The following LZTR1 variants were observed in gnomAD, a reference collection of about 807,000 sequenced individuals.
The protein encoded by LZTR1 is leucine zipper like post translational regulator 1.
In LZTR1, 260 loss-of-function variants were observed where a neutral mutation model predicts 105.7. The observed-to-expected ratio is 2.46, with a 90% CI of 2.22 to 2.72. LZTR1 has a LOEUF of 2.72. Ranked by LOEUF, LZTR1 falls within the 30% of genes most tolerant of loss-of-function variation. The pLI, the probability that LZTR1 is intolerant of heterozygous loss-of-function variation, is 0.00. For synonymous variants in LZTR1, 490 were observed against 476.4 expected (o/e 1.03, Z -0.37); for missense variants, 1,214 against 1,166.9 (o/e 1.04, Z -0.59).
intron 20 of LZTR1, 30 bp from the exon 21 acceptor site, chr22:20,997,202 C>G (rs759634678): frequency 2.8e-6 from 4 of 1,450,428 alleles, no homozygotes; most frequent in Admixed American, 1.7e-5. Context: ...GGATCTGGTC[C>G]CATCTCCTTC....
At chr22:20,995,504 A>G (rs760125824) in intron 16 of LZTR1, 2 of 688,392 alleles carry the variant, frequency 2.9e-6, no homozygotes, top group Non-Finnish European at 5.4e-6. Flanking sequence ...GGGGTACAGC[A>G]AGCTGGGTGG....
In LZTR1 at chr22:20,992,906, T is replaced by A; in HGVS notation, c.1260+2T>A. 6.4e-7 allele frequency: 1 copy of A among 1,570,580 alleles called. No homozygotes were observed. Among genetic ancestry groups the A allele is most frequent in the South Asian group, 1.1e-5 (1 of 87,294 alleles). ...AGCGGGGAGATGTACAGGTTCCAGG[T>A]GTGGGGCCTGTGGGCCTGTAGAGCC... On this transcript the variant is annotated splice_donor_variant, in intron 11 of 20. Transcript: ENST00000646124. LOFTEE classifies it high-confidence loss of function.
chr22:20,987,472 G>A (rs368515144), intron 3 of LZTR1, 32 bp from the exon 4 acceptor site: 13 of 1,368,292 alleles, frequency 9.5e-6, no homozygotes, highest in South Asian at 2.3e-5. Context: ...GGTGACCCCC[G>A]CTGACTCTCA....
rs777927039 is a variant in LZTR1, at chr22:20,988,007, C to G, written c.401-3C>G. 2.6e-6 allele frequency: 4 copies of G among 1,557,746 alleles called. No homozygotes were observed. The East Asian group carries it at 6.7e-5, about 26-fold the overall frequency. ...TTGACAGTTTCTCACTCTCTTTACT[C>G]AGGGGGTTACACTGGGGACATTTAT... On this transcript the variant is annotated splice_region_variant and splice_polypyrimidine_tract_variant and intron_variant, in intron 4 of 20. Coordinates refer to ENST00000646124, the MANE Select transcript of LZTR1 (RefSeq NM_006767.4).
At position 20,993,456 on chromosome 22, in the gene LZTR1, T is replaced by G. The variant is rs1425087535; in HGVS notation, c.1261-206T>G. ...CCCTTTCCTGCTGTGGAGCCGGCCG[T>G]GGACAGTTGCAGGTGCTGAGGCTGG... On this transcript the variant is annotated intron_variant, in intron 11 of 20. Transcript: ENST00000646124. 3 of 594,706 alleles carry G rather than the reference T, an allele frequency of 5.0e-6. No homozygotes were observed. The African/African-American group carries it at 5.6e-5, about 11-fold the overall frequency. 36.8% of individuals were successfully genotyped at this position (594,706 alleles called of 1,614,324 possible).
intron 20 of LZTR1, 122 bp from the exon 21 acceptor site, chr22:20,997,110 C>A (rs1197304077): frequency 2.7e-6 from 3 of 1,118,420 alleles, no homozygotes; most frequent in Non-Finnish European, 4.0e-6. Flanking sequence ...ACTGGCCGCA[C>A]CTTGCTTCAT....
In LZTR1 at chr22:20,990,543, T is replaced by C; in HGVS notation, c.791+18T>C. ...GACAAGACGTGAGTACTCTGGCCAG[T>C]GGGGTGGAGGGAGGACGGTCAGTTC... is the stretch of plus-strand genomic sequence containing the variant. On this transcript the variant is annotated intron_variant, in intron 8 of 20. Transcript: ENST00000646124. 6.3e-7 allele frequency: 1 copy of C among 1,596,428 alleles called. No homozygotes were observed. Among genetic ancestry groups the C allele is most frequent in the Non-Finnish European group, 8.6e-7 (1 of 1,169,076 alleles).
rs1924910988 is a variant in LZTR1, at chr22:20,997,435, T to C, written c.*87T>C. On this transcript the variant is annotated 3_prime_UTR_variant, in exon 21 of 21. Coordinates refer to ENST00000646124, the MANE Select transcript of LZTR1 (RefSeq NM_006767.4). ...AGACTACCGGCTATGCGCATGCCTATGGCAGTGGGTGCACCTGCCAGGCCA... is the reference window on the plus strand; with the variant it reads ...AGACTACCGGCTATGCGCATGCCTACGGCAGTGGGTGCACCTGCCAGGCCA... 2 of 994,514 alleles carry C rather than the reference T, an allele frequency of 2.0e-6. No homozygotes were observed. The highest frequency in any genetic ancestry group is 3.2e-6 in the Non-Finnish European group (2 of 631,888). 61.6% of individuals were successfully genotyped at this position (994,514 alleles called of 1,614,324 possible).
At chr22:20,991,556 C>T (rs1359127564) in intron 8 of LZTR1, 72 bp from the exon 9 acceptor site, 4 of 1,254,336 alleles carry the variant, frequency 3.2e-6, no homozygotes, top group Non-Finnish European at 3.3e-6. Flanking sequence ...CAGTGAAGGC[C>T]TGCTGTGGGG....
chr22:20,985,881 G>T lies in LZTR1; in HGVS notation c.304G>T (p.Asp102Tyr), dbSNP rs1299646110. 6.2e-7 allele frequency: 1 copy of T among 1,614,184 alleles called. No individual in the cohort carries two copies. Among genetic ancestry groups the T allele is most frequent in the Non-Finnish European group, 8.5e-7 (1 of 1,180,030 alleles). The change falls in exon 3 of 21, where the codon GAC becomes TAC. Residue 102 changes from aspartate (D) to tyrosine (Y), a missense_variant. Asp to Tyr is a radical substitution (Grantham distance 160, BLOSUM62 -3). Transcript: ENST00000646124. ...TGACCTCCTGCGGTTCGATGTGAAAGACTGCTCCTGGTGCAGGTGGGTGGC... is the reference window on the plus strand; with the variant it reads ...TGACCTCCTGCGGTTCGATGTGAAATACTGCTCCTGGTGCAGGTGGGTGGC... ...LNDLLRFDVK[D>Y]CSWCRAFTTG... is the part of the protein sequence containing the mutation.
In LZTR1 at chr22:20,984,617, G is replaced by C. The variant is rs939609602; in HGVS notation, c.264-1224G>C. 4.2e-5 allele frequency among the ~76,000 whole-genome samples: 6 copies of C among 144,500 alleles called. 1 individual carries two copies. The highest frequency in any genetic ancestry group is 2.2e-4 in the South Asian group (1 of 4,522). 94.8% of individuals were successfully genotyped at this position (144,500 alleles called of 152,430 possible). A position where few individuals can be genotyped will look rare whatever the true frequency, so the allele number is the denominator to read the frequency against. ...CGGCACGTGGGGCAAGTAAGGAGGG[G>C]GGGGGGGCGGTATCACAATCACCAC... On this transcript the variant is annotated intron_variant, in intron 2 of 20. Coordinates refer to ENST00000646124, the MANE Select transcript of LZTR1 (RefSeq NM_006767.4).
Position 20,987,435 on chromosome 22 carries a change from C to T in LZTR1, c.321-69C>T, listed in dbSNP as rs1040530407. ...AGAAAGGCAGCACAGGGATGCAGGG[C>T]CACCCTGTGGGGGTGTGGACCTCAT... On this transcript the variant is annotated intron_variant, in intron 3 of 20. Transcript: ENST00000646124. The T allele has an allele frequency of 4.0e-5, 34 of 855,152 alleles. No homozygotes were observed. The South Asian group carries it at 4.3e-4, about 11-fold the overall frequency. The allele number at this position is 855,152 out of a possible 1,614,324, so 53.0% of individuals were successfully genotyped here. A position where few individuals can be genotyped will look rare whatever the true frequency, so the allele number is the denominator to read the frequency against.
intron 20 of LZTR1, 83 bp from the exon 21 acceptor site, chr22:20,997,149 G>A (rs779375150): frequency 2.6e-6 from 3 of 1,148,924 alleles, no homozygotes; most frequent in Admixed American, 3.4e-5. Flanking sequence ...CCCTGAGCAG[G>A]GTAGGCCCCA....
In LZTR1 at chr22:20,990,379, C is replaced by T. The variant is rs781553741; in HGVS notation, c.652-7C>T. ...GGCCGGGGCTGAGCTGTCCTCTCCCCCTGCAGGTGGCCCAGAGTGGCGAGA... is the reference window on the plus strand; with the variant it reads ...GGCCGGGGCTGAGCTGTCCTCTCCCTCTGCAGGTGGCCCAGAGTGGCGAGA... On this transcript the variant is annotated splice_region_variant and splice_polypyrimidine_tract_variant and intron_variant, in intron 7 of 20. Coordinates refer to ENST00000646124, the MANE Select transcript of LZTR1 (RefSeq NM_006767.4). 3.1e-6 allele frequency: 5 copies of T among 1,614,050 alleles called. No individual in the cohort carries two copies. The East Asian group carries it at 6.7e-5, about 22-fold the overall frequency.
At chr22:20,987,629 A>C (rs762965061) in intron 4 of LZTR1, 46 bp downstream of exon 4, 1 of 1,532,698 alleles carries the variant, frequency 6.5e-7, no homozygotes, top group Non-Finnish European at 9.0e-7. Context: ...CCCGAGGCCC[A>C]CAGACACCCT....
At chr22:20,985,926 C>A in intron 3 of LZTR1, 29 bp downstream of exon 3, 1 of 1,610,570 alleles carries the variant, frequency 6.2e-7, no homozygotes, top group Non-Finnish European at 8.5e-7. Flanking sequence ...CAGGGCCCTG[C>A]CTTTCCTCCT....
rs3747081 is a variant in LZTR1 at position 20,997,831 on chromosome 22, G to A, written c.*483G>A. 15,618 of 157,544 alleles carry A rather than the reference G, an allele frequency of 0.099. 1,011 individuals are homozygous for A. The highest frequency in any genetic ancestry group is 0.21 in the East Asian group (1,134 of 5,334). 9.8% of individuals were successfully genotyped at this position (157,544 alleles called of 1,614,324 possible). A position where few individuals can be genotyped will look rare whatever the true frequency, so the allele number is the denominator to read the frequency against. Reference sequence around the variant, plus strand: ...TGCTCCTGTCCCACCCACCCTCACTGAGATCCATGTAAGGGGCTCCTCTTC... The same window carrying A: ...TGCTCCTGTCCCACCCACCCTCACTAAGATCCATGTAAGGGGCTCCTCTTC... On this transcript the variant is annotated 3_prime_UTR_variant, in exon 21 of 21. Coordinates refer to ENST00000646124, the MANE Select transcript of LZTR1 (RefSeq NM_006767.4).
Position 20,992,882 on chromosome 22 carries a change from G to A in LZTR1, c.1238G>A (p.Ser413Asn). The A allele has an allele frequency of 1.2e-6, 2 of 1,607,006 alleles. No individual in the cohort carries two copies. The highest frequency in any genetic ancestry group is 1.7e-6 in the Non-Finnish European group (2 of 1,176,410). Reference protein sequence around the residue: ...FGGTVDNNIRSGEMYRFQFSC... With the variant: ...FGGTVDNNIRNGEMYRFQFSC... ...GGCACGGTGGACAACAACATCCGCA[G>A]CGGGGAGATGTACAGGTTCCAGGTG... The change falls in exon 11 of 21, where the codon AGC (serine) becomes AAC (asparagine). Residue 413 changes from serine (S) to asparagine (N), a missense_variant. Ser to Asn is a conservative substitution (Grantham distance 46). Coordinates refer to ENST00000646124, the MANE Select transcript of LZTR1 (RefSeq NM_006767.4).
chr22:20,995,652 C>A (rs1178400493), intron 16 of LZTR1, 94 bp from the exon 17 acceptor site: 4 of 1,483,242 alleles, frequency 2.7e-6, no homozygotes, highest in Non-Finnish European at 3.7e-6. Context: ...TTGTTCAGGG[C>A]AGCAACATGG....
Sources: allele counts gnomAD v4.1 joint callset (sites outside exome capture counted in the v4.1 genomes callset), GRCh38; gene constraint gnomAD v4.1.1; transcripts MANE v1.5; gene names NCBI Gene and HGNC (gene_info 2026-07-23, HGNC 2026-07-21).